STARD8: variants seen among roughly 807,000 people sequenced by gnomAD.
The protein encoded by STARD8 is StAR related lipid transfer domain containing 8, also known as stAR-related lipid transfer protein 8.
STARD8 carries 25 observed loss-of-function variants against 69.4 expected under a neutral mutation model. That is an observed-to-expected ratio of 0.36 (90% CI 0.26 to 0.50). The LOEUF (loss-of-function observed/expected upper bound fraction) is 0.50, where lower values mean the gene tolerates loss of function less well. Ranked by LOEUF, STARD8 falls within the 20% of genes least tolerant of loss-of-function variation. STARD8 has a pLI of 0.96. For missense variants in STARD8, 921 were observed against 932.5 expected (o/e 0.99, Z 0.16); for synonymous variants, 389 against 374.6 (o/e 1.04, Z -0.45).
intron 3 of STARD8, among the ~76,000 whole-genome samples, 158 bp from the exon 4 acceptor site, chrX:68,715,136 T>A (rs2080081471): frequency 8.9e-6 from 1 of 111,834 alleles, no homozygotes; most frequent in Admixed American, 9.4e-5. Flanking sequence ...CTGAACTCCC[T>A]GGGCACCCTC....
chrX:68,668,272 T>TTCTC (rs200118867), intron 2 of STARD8, among the ~76,000 whole-genome samples: 5 of 72,841 alleles, frequency 6.9e-5, no homozygotes, highest in African/African-American at 1.4e-4. Flanking sequence ...CTTTCTTTCT[T>TTCTC]TCTCTTTCTT....
intron 2 of STARD8, among the ~76,000 whole-genome samples, chrX:68,700,937 T>G (rs1238157649): frequency 8.9e-6 from 1 of 112,111 alleles, no homozygotes; most frequent in Non-Finnish European, 1.9e-5. Flanking sequence ...TCCAACAATA[T>G]AAATAAAATT....
chrX:68,662,769 C>T (rs910426046), intron 1 of STARD8, among the ~76,000 whole-genome samples: 5 of 111,857 alleles, frequency 4.5e-5, no homozygotes, highest in Non-Finnish European at 9.4e-5. Context: ...AATGTGCCCC[C>T]ACTCCCAGCA....
Position 68,720,434 on chromosome X carries a change from G to T in STARD8, c.2049+11G>T. On this transcript the variant is annotated intron_variant, in intron 8 of 14. Coordinates refer to ENST00000374599, the MANE Select transcript of STARD8 (RefSeq NM_001142503.3). ...CAGTGCCTGGACCAAGTGAGCCCTC[G>T]TGGGGCAGCCTGCCGGGAGATGGTG... is the stretch of plus-strand genomic sequence containing the variant. 4.3e-6 allele frequency: 5 copies of T among 1,160,867 alleles called. No homozygotes were observed. The highest frequency in any genetic ancestry group is 5.8e-6 in the Non-Finnish European group (5 of 866,580).
chrX:68,720,566 G>C (rs2080139520), intron 8 of STARD8, 143 bp downstream of exon 8: 2 of 741,834 alleles, frequency 2.7e-6, no homozygotes, highest in South Asian at 6.6e-5. Context: ...GGCCTTTGCT[G>C]TTCTCAGCAA....
chrX:68,657,973 G>A (rs1231543085), intron 1 of STARD8, among the ~76,000 whole-genome samples: 1 of 110,462 alleles, frequency 9.1e-6, no homozygotes, highest in Non-Finnish European at 1.9e-5. Context: ...GGGAGGTCCC[G>A]GCGGGGTGGA....
intron 2 of STARD8, among the ~76,000 whole-genome samples, chrX:68,695,530 C>G (rs183078899): frequency 1.8e-5 from 2 of 111,310 alleles, no homozygotes; most frequent in Admixed American, 1.9e-4. Context: ...TCCCCTCCCC[C>G]ACCTAGAGAG....
chrX:68,692,839 C>T (rs1232848948), intron 2 of STARD8, among the ~76,000 whole-genome samples: 3 of 112,642 alleles, frequency 2.7e-5, no homozygotes, highest in Non-Finnish European at 5.6e-5. Flanking sequence ...TGCTCAGTTT[C>T]TGTCTTTGTA....
At chrX:68,674,884 T>C (rs750639908) in intron 2 of STARD8, among the ~76,000 whole-genome samples, 14 of 108,310 alleles carry the variant, frequency 1.3e-4, no homozygotes, top group Non-Finnish European at 2.5e-4. Context: ...CTGGGTTTAG[T>C]TGATTCTCCC....
intron 1 of STARD8, among the ~76,000 whole-genome samples, chrX:68,653,521 A>C: frequency 1.5e-5 from 1 of 68,528 alleles, no homozygotes; most frequent in Non-Finnish European, 2.8e-5. Context: ...CACCACACAC[A>C]CCACACACAC....
At chrX:68,721,410 A>G in intron 9 of STARD8, 126 bp from the exon 10 acceptor site, 1 of 728,838 alleles carries the variant, frequency 1.4e-6, no homozygotes, top group Non-Finnish European at 2.0e-6. Flanking sequence ...CAGAACTGAC[A>G]TTTTCCCTTC....
chrX:68,721,150 A>C, intron 9 of STARD8, 28 bp downstream of exon 9: 2 of 1,194,777 alleles, frequency 1.7e-6, no homozygotes, highest in Non-Finnish European at 2.3e-6. Context: ...ATCCCCAACA[A>C]CCTGTCCCAT....
In STARD8 at chrX:68,717,419, C is replaced by T; in HGVS notation, c.505C>T (p.Pro169Ser). The T allele has an allele frequency of 1.7e-6, 2 of 1,210,371 alleles. No individual in the cohort carries two copies. Among genetic ancestry groups the T allele is most frequent in the Non-Finnish European group, 2.2e-6 (2 of 895,003 alleles). ...PVITVSLPPEPADLPLPGRAP... is the reference protein window; with the variant it reads ...PVITVSLPPESADLPLPGRAP... ...CATCACCGTGAGCCTACCACCCGAG[C>T]CAGCAGACTTGCCCTTGCCAGGCCG... The change falls in exon 6 of 15, where the codon CCA (proline) becomes TCA (serine). Residue 169 changes from proline to serine, a missense_variant. Coordinates refer to ENST00000374599, the MANE Select transcript of STARD8 (RefSeq NM_001142503.3).
rs1451372631 is a variant in STARD8 at position 68,702,771 on chromosome X, G to A, written c.80-10143G>A. On this transcript the variant is annotated intron_variant, in intron 2 of 14. Coordinates refer to ENST00000374599, the MANE Select transcript of STARD8 (RefSeq NM_001142503.3). The stretch of plus-strand genomic sequence containing the variant: ...ATTGGAGCACTTAGCTCACAGGTTT[G>A]TTGTGAAGATTCAATGACATAATAC... 2.7e-5 allele frequency among the ~76,000 whole-genome samples: 3 copies of A among 110,034 alleles called. No individual in the cohort carries two copies. The South Asian group carries it at 1.2e-3, about 44-fold the overall frequency.
chrX:68,648,962 A>G (rs1215865839), intron 1 of STARD8, among the ~76,000 whole-genome samples: 1 of 112,511 alleles, frequency 8.9e-6, no homozygotes, highest in African/African-American at 3.2e-5. Flanking sequence ...TAGTTAAGAA[A>G]TATTTACAAG....
intron 10 of STARD8, 81 bp downstream of exon 10, chrX:68,721,827 G>A: frequency 2.0e-6 from 2 of 993,991 alleles, no homozygotes; most frequent in Non-Finnish European, 2.8e-6. Context: ...TTTGATGGCT[G>A]GCACTGCTGT....
intron 2 of STARD8, among the ~76,000 whole-genome samples, chrX:68,712,128 C>T (rs1419485221): frequency 8.9e-6 from 1 of 112,519 alleles, no homozygotes; most frequent in Non-Finnish European, 1.9e-5. Context: ...AGGCGACAGG[C>T]TGACCTAGCC....
At chrX:68,665,395 TA>T in intron 1 of STARD8, 103 bp from the exon 2 acceptor site, 1 of 926,757 alleles carries the variant, frequency 1.1e-6, no homozygotes, top group Non-Finnish European at 1.5e-6. Flanking sequence ...TGTCTTTCTG[TA>T]AAATGGGTAA....
At chrX:68,655,563 CAT>C (rs752770477) in intron 1 of STARD8, among the ~76,000 whole-genome samples, 20 of 112,169 alleles carry the variant, frequency 1.8e-4, no homozygotes, top group Admixed American at 8.5e-4. Context: ...AGATGCTGGA[CAT>C]ATGCTGTGTA....
Sources: gnomAD v4.1 joint callset for allele counts (sites outside exome capture counted in the v4.1 genomes callset) on GRCh38, gnomAD v4.1.1 for gene constraint, MANE v1.5 for transcripts, NCBI Gene and HGNC (gene_info 2026-07-23, HGNC 2026-07-21) for gene names.